CNTN5: variants seen among roughly 807,000 people sequenced by gnomAD.
The protein encoded by CNTN5 is contactin 5.
A neutral mutation model predicts 129.1 loss-of-function variants in CNTN5; 77 were observed. The observed-to-expected ratio is 0.60, with a 90% CI of 0.50 to 0.72. The LOEUF (loss-of-function observed/expected upper bound fraction) is 0.72. CNTN5 is among the 30% of genes least tolerant of loss of function. The probability of loss-of-function intolerance (pLI) is 0.00; values close to 1 mark genes in which losing one functional copy is unlikely to be tolerated. For synonymous variants in CNTN5, 509 were observed against 465.6 expected (o/e 1.09, Z -1.20); for missense variants, 1,478 against 1,328.8 (o/e 1.11, Z -1.75).
intron 6 of CNTN5, among the ~76,000 whole-genome samples, chr11:99,854,168 C>T (rs1947961650): frequency 6.6e-6 from 1 of 152,116 alleles, no homozygotes; most frequent in Non-Finnish European, 1.5e-5. Flanking sequence ...TCCTTGCCTA[C>T]CTGGAATACC....
At chr11:99,382,844 A>AGTTTTTTTTTTTTTTTTTTTTTTTTTT (rs774797660) in intron 2 of CNTN5, among the ~76,000 whole-genome samples, 2 of 69,402 alleles carry the variant, frequency 2.9e-5, no homozygotes. Context: ...TCTCTAAATA[A>AGTTTTTTTTTTTTTTTTTTTTTTTTTT]CTTTTTTTTT....
intron 1 of CNTN5, among the ~76,000 whole-genome samples, chr11:99,281,573 C>T (rs1206056938): frequency 6.6e-6 from 1 of 151,976 alleles, no homozygotes; most frequent in Non-Finnish European, 1.5e-5. Context: ...TGGGTCCTGA[C>T]TGACTCACCT....
chr11:99,510,319 C>T (rs955043801), intron 2 of CNTN5, among the ~76,000 whole-genome samples: 6 of 152,128 alleles, frequency 3.9e-5, no homozygotes, highest in Non-Finnish European at 8.8e-5. Context: ...AAAAAAGAGA[C>T]TCTCAAACAC....
At chr11:100,186,501 A>G (rs1052426979) in intron 13 of CNTN5, among the ~76,000 whole-genome samples, 1 of 152,208 alleles carries the variant, frequency 6.6e-6, no homozygotes, top group Non-Finnish European at 1.5e-5. Context: ...GATGTCCTAC[A>G]TGAACTGGGC....
intron 18 of CNTN5, among the ~76,000 whole-genome samples, chr11:100,288,799 C>A (rs1234326254): frequency 5.7e-4 from 85 of 149,494 alleles, no homozygotes; most frequent in Middle Eastern, 3.4e-3. Flanking sequence ...AAAACCCTTC[C>A]AAAAATTAAT....
intron 3 of CNTN5, among the ~76,000 whole-genome samples, chr11:99,764,232 T>C: frequency 6.6e-6 from 1 of 152,014 alleles, no homozygotes; most frequent in East Asian, 1.9e-4. Context: ...GTAGTTCAAT[T>C]ATTTGATGAG....
chr11:99,941,770 G>A (rs988073212), intron 7 of CNTN5, among the ~76,000 whole-genome samples: 2 of 152,016 alleles, frequency 1.3e-5, no homozygotes, highest in African/African-American at 4.8e-5. Context: ...ATTATTGCAC[G>A]TGTCCTAAGT....
At chr11:99,907,467 G>T (rs1290749023) in intron 6 of CNTN5, among the ~76,000 whole-genome samples, 1 of 151,792 alleles carries the variant, frequency 6.6e-6, no homozygotes, top group Non-Finnish European at 1.5e-5. Context: ...ATGTTGTCCA[G>T]TTGCCTATTA....
chr11:99,058,480 A>C (rs1196758241), intron 1 of CNTN5, among the ~76,000 whole-genome samples: 1 of 151,996 alleles, frequency 6.6e-6, no homozygotes, highest in African/African-American at 2.4e-5. Flanking sequence ...ATATTTTCTC[A>C]CAATATTAGA....
chr11:99,242,676 A>G (rs1032297452), intron 1 of CNTN5, among the ~76,000 whole-genome samples: 1 of 152,018 alleles, frequency 6.6e-6, no homozygotes, highest in African/African-American at 2.4e-5. Context: ...TCTTACTGTC[A>G]TCTTTATGTC....
chr11:100,237,316 T>G (rs542044275), intron 16 of CNTN5, among the ~76,000 whole-genome samples: 2 of 152,268 alleles, frequency 1.3e-5, no homozygotes, highest in East Asian at 3.9e-4. Context: ...AAGTTCACTC[T>G]AGTCTCTATT....
Position 99,194,677 on chromosome 11 carries a change from C to T in CNTN5, c.-209-130669C>T. 1.3e-5 allele frequency among the ~76,000 whole-genome samples: 2 copies of T among 152,268 alleles called. 1 individual carries two copies. The highest frequency in any genetic ancestry group is 1.3e-4 in the Admixed American group (2 of 15,300). On this transcript the variant is annotated intron_variant, in intron 1 of 24. Coordinates refer to ENST00000524871, the MANE Select transcript of CNTN5 (RefSeq NM_014361.4). ...CTGGAGTGCAGTGGCCCGATCTCGG[C>T]TCACTGCAACCTCCAGCTCCTGGGT... is the stretch of plus-strand genomic sequence containing the variant.
At chr11:99,572,085 C>A (rs1389608431) in intron 3 of CNTN5, among the ~76,000 whole-genome samples, 1 of 152,098 alleles carries the variant, frequency 6.6e-6, no homozygotes, top group African/African-American at 2.4e-5. Context: ...AAAGTTAATA[C>A]TACATACAAC....
intron 4 of CNTN5, among the ~76,000 whole-genome samples, chr11:99,827,003 T>C (rs1401743986): frequency 6.6e-6 from 1 of 152,222 alleles, no homozygotes; most frequent in African/African-American, 2.4e-5. Context: ...TTCATCACCC[T>C]GTATTCTACT....
intron 3 of CNTN5, among the ~76,000 whole-genome samples, chr11:99,700,263 A>G (rs629617): frequency 0.17 from 25,915 of 151,336 alleles, 2,741 homozygotes; most frequent in Middle Eastern, 0.32. Flanking sequence ...TAATCTCTTA[A>G]AGTAGAGTAC....
chr11:99,325,948 G>T (rs550487672), intron 2 of CNTN5, among the ~76,000 whole-genome samples: 1 of 152,320 alleles, frequency 6.6e-6, no homozygotes, highest in East Asian at 1.9e-4. Context: ...GAAGTCATGG[G>T]TGGAGAGAGG....
At chr11:99,804,548 A>T (rs1009795075) in intron 3 of CNTN5, among the ~76,000 whole-genome samples, 18 of 143,862 alleles carry the variant, frequency 1.3e-4, no homozygotes, top group African/African-American at 3.7e-4. Context: ...AAAAAAACTC[A>T]GTAAAGTATG....
intron 18 of CNTN5, among the ~76,000 whole-genome samples, chr11:100,277,008 CT>C (rs1950527815): frequency 6.6e-6 from 1 of 152,082 alleles, no homozygotes; most frequent in Non-Finnish European, 1.5e-5. Flanking sequence ...CAACCTTCTA[CT>C]CTCTATTTAC....
chr11:99,836,495 G>A (rs967747022), intron 4 of CNTN5, among the ~76,000 whole-genome samples: 8 of 152,078 alleles, frequency 5.3e-5, no homozygotes, highest in African/African-American at 1.9e-4. Context: ...TGGCTGCACA[G>A]TATTCCATGG....
Sources: gnomAD v4.1 joint callset for allele counts (sites outside exome capture counted in the v4.1 genomes callset) on GRCh38, gnomAD v4.1.1 for gene constraint, MANE v1.5 for transcripts, NCBI Gene and HGNC (gene_info 2026-07-23, HGNC 2026-07-21) for gene names.